PLCE1: variants seen among roughly 807,000 people sequenced by gnomAD.
The protein encoded by PLCE1 is 1-phosphatidylinositol 4,5-bisphosphate phosphodiesterase epsilon-1.
Under a neutral mutation model 242.8 loss-of-function variants are expected in PLCE1, and 119 were observed. The ratio of observed to expected loss-of-function variants is 0.49; its 90% confidence interval spans 0.42 to 0.57. The LOEUF (loss-of-function observed/expected upper bound fraction) is 0.57, where lower values mean the gene tolerates loss of function less well. PLCE1 is among the 20% of genes least tolerant of loss of function. The pLI, the probability that PLCE1 is intolerant of heterozygous loss-of-function variation, is 0.00. For missense variants in PLCE1, 2,441 were observed against 2,788.8 expected, an observed-to-expected ratio of 0.88 and a Z score of 2.81; for synonymous variants, 945 against 1,017.4, an observed-to-expected ratio of 0.93 and a Z score of 1.35.
intron 8 of PLCE1, among the ~76,000 whole-genome samples, chr10:94,250,004 C>G (rs2050818117): frequency 6.6e-6 from 1 of 151,822 alleles, no homozygotes; most frequent in African/African-American, 2.4e-5. Context: ...ATGTCACATG[C>G]AAAGATATGC....
Position 94,313,241 on chromosome 10 carries a change from ATCT to A in PLCE1, c.6004-8_6004-6del. The A allele has an allele frequency of 1.9e-6, 3 of 1,613,880 alleles. No homozygotes were observed. Among genetic ancestry groups the A allele is most frequent in the Middle Eastern group, 1.7e-4 (1 of 5,966 alleles). On this transcript the variant is annotated splice_polypyrimidine_tract_variant and intron_variant, in intron 27 of 32. Transcript: ENST00000371380. Reference sequence around the variant, plus strand: ...TTACGGATGAATGATCAGCCATGTGATCTTCTTGACAGATGTTTAATACAGAAG... The same window carrying A: ...TTACGGATGAATGATCAGCCATGTGATCTTGACAGATGTTTAATACAGAAG...
intron 4 of PLCE1, among the ~76,000 whole-genome samples, chr10:94,220,144 GA>G (rs2049673233): frequency 6.6e-6 from 1 of 151,294 alleles, no homozygotes; most frequent in Non-Finnish European, 1.5e-5. Flanking sequence ...AGGAGCTTAT[GA>G]TTAGAAGAAC....
chr10:94,150,380 C>G (rs2047236987), intron 3 of PLCE1, among the ~76,000 whole-genome samples: 1 of 152,164 alleles, frequency 6.6e-6, no homozygotes. Flanking sequence ...TGTTCTGAAC[C>G]CCAAACTTTC....
chr10:94,291,159 T>A (rs2052631944), intron 22 of PLCE1, among the ~76,000 whole-genome samples: 1 of 152,152 alleles, frequency 6.6e-6, no homozygotes, highest in Non-Finnish European at 1.5e-5. Flanking sequence ...TTTAAGTAAT[T>A]CTTTTTCTTT....
At chr10:94,260,635 TTATC>T (rs2051263212) in intron 13 of PLCE1, among the ~76,000 whole-genome samples, 1 of 151,620 alleles carries the variant, frequency 6.6e-6, no homozygotes, top group Non-Finnish European at 1.5e-5. Context: ...ATTTTATTAT[TTATC>T]ATGATTTTCA....
chr10:94,140,303 C>T lies in PLCE1; in HGVS notation c.1492+7844C>T, dbSNP rs920068690. Among the ~76,000 whole-genome samples, 12 of 151,438 alleles carry T rather than the reference C, an allele frequency of 7.9e-5. No homozygotes were observed. The East Asian group carries it at 1.7e-3, about 22-fold the overall frequency. On this transcript the variant is annotated intron_variant, in intron 3 of 32. Transcript: ENST00000371380. Reference sequence around the variant, plus strand: ...CTACCAGCACTTTGAGAGGTCGAGGCGAGCACATCACTTGAGGTCAGAAGT... The same window carrying T: ...CTACCAGCACTTTGAGAGGTCGAGGTGAGCACATCACTTGAGGTCAGAAGT...
intron 2 of PLCE1, chr10:94,088,275 A>G (rs1201558940): frequency 6.6e-6 from 1 of 152,326 alleles, no homozygotes; most frequent in South Asian, 2.1e-4. Context: ...CAGGATAAAC[A>G]CTTCTTAAAA....
chr10:94,027,782 C>T (rs2061479670), intron 1 of PLCE1, among the ~76,000 whole-genome samples: 1 of 151,980 alleles, frequency 6.6e-6, no homozygotes, highest in Non-Finnish European at 1.5e-5. Flanking sequence ...GATCATGCCA[C>T]TGCACTCCAG....
At chr10:94,265,294 A>G (rs986398968) in intron 14 of PLCE1, among the ~76,000 whole-genome samples, 4 of 152,242 alleles carry the variant, frequency 2.6e-5, no homozygotes, top group African/African-American at 9.6e-5. Flanking sequence ...TAAGTGCTCT[A>G]TGTGAATCAT....
At chr10:94,030,365 C>CT (rs141323332) in intron 1 of PLCE1, among the ~76,000 whole-genome samples, 21 of 149,164 alleles carry the variant, frequency 1.4e-4, no homozygotes, top group Middle Eastern at 3.5e-3. Flanking sequence ...GGGCTCACTT[C>CT]TTTTTTTTTT....
chr10:94,074,463 C>A (rs2044447505), intron 2 of PLCE1, among the ~76,000 whole-genome samples: 1 of 152,124 alleles, frequency 6.6e-6, no homozygotes, highest in African/African-American at 2.4e-5. Context: ...AGTGGTTGGA[C>A]CATAGGTGTG....
In PLCE1 at chr10:94,154,936, T is replaced by TG. The variant is rs1421158953; in HGVS notation, c.1493-16244_1493-16243insG. On this transcript the variant is annotated intron_variant, in intron 3 of 32. Coordinates refer to ENST00000371380, the MANE Select transcript of PLCE1 (RefSeq NM_016341.4). Reference sequence around the variant, plus strand: ...TTTATTTAAAACTATAAGGTACCACTTCACCCACTAGGATAGATAATTGGG... The same window carrying TG: ...TTTATTTAAAACTATAAGGTACCACTGTCACCCACTAGGATAGATAATTGGG... 3.8e-5 allele frequency among the ~76,000 whole-genome samples: 5 copies of TG among 132,148 alleles called. No homozygotes were observed. The East Asian group carries it at 1.1e-3, about 29-fold the overall frequency. The allele number at this position is 132,148 out of a possible 152,430, so 86.7% of individuals were successfully genotyped here.
chr10:94,210,966 C>T (rs2049312386), intron 4 of PLCE1, among the ~76,000 whole-genome samples: 1 of 152,224 alleles, frequency 6.6e-6, no homozygotes, highest in African/African-American at 2.4e-5. Context: ...CTGGTGGTAC[C>T]TTCTGGCTGA....
intron 1 of PLCE1, among the ~76,000 whole-genome samples, chr10:93,996,422 C>T (rs184649327): frequency 1.1e-4 from 16 of 152,266 alleles, no homozygotes; most frequent in African/African-American, 3.4e-4. Flanking sequence ...GATTAGGAAA[C>T]ATGGTGCTTC....
Position 94,219,902 on chromosome 10 carries a change from G to A in PLCE1, c.1810-7404G>A, listed in dbSNP as rs538835156. ...GTTTGGGGGTAAGGGGAGATAATCT[G>A]AGCTGTGTTTGAGGCTCTGAAAAAG... On this transcript the variant is annotated intron_variant, in intron 4 of 32. Transcript: ENST00000371380. Among the ~76,000 whole-genome samples the A allele has an allele frequency of 2.0e-5, 3 of 152,180 alleles. No individual in the cohort carries two copies. The East Asian group carries it at 5.8e-4, about 30-fold the overall frequency.
At chr10:94,300,983 T>G (rs1274430119) in intron 24 of PLCE1, among the ~76,000 whole-genome samples, 1 of 152,196 alleles carries the variant, frequency 6.6e-6, no homozygotes, top group Admixed American at 6.5e-5. Flanking sequence ...AAGCAGAGGT[T>G]GCAGTGTATC....
chr10:94,262,861 G>GT (rs11307441), intron 14 of PLCE1, 129 bp downstream of exon 14: 40,642 of 608,862 alleles, frequency 0.067, 50 homozygotes, highest in East Asian at 0.076. Context: ...ATACAGTTTT[G>GT]TTTTTTTTTT....
rs145456568 is a variant in PLCE1, at chr10:94,265,886, C to T, written c.4209C>T (p.Ile1403=). ...AGCTACCCCTCTCATACTATTACATCGAATCTTCGCACAATACCTACCTCA... is the reference window on the plus strand; with the variant it reads ...AGCTACCCCTCTCATACTATTACATTGAATCTTCGCACAATACCTACCTCA... The part of the protein sequence containing the change: ...ELQLPLSYYY[I]ESSHNTYLTG... Residue 1403 remains isoleucine (I), a synonymous_variant, in exon 16 of 33, where the codon ATC becomes ATT. Coordinates refer to ENST00000371380, the MANE Select transcript of PLCE1 (RefSeq NM_016341.4). The T allele has an allele frequency of 5.6e-6, 9 of 1,613,980 alleles. No individual in the cohort carries two copies. The highest frequency in any genetic ancestry group is 5.3e-5 in the African/African-American group (4 of 75,010).
At chr10:94,187,494 A>G (rs2048519741) in intron 4 of PLCE1, among the ~76,000 whole-genome samples, 1 of 152,148 alleles carries the variant, frequency 6.6e-6, no homozygotes, top group Non-Finnish European at 1.5e-5. Context: ...TGAGTATTTC[A>G]TAAAAATACT....
Sources: gnomAD v4.1 joint callset for allele counts (sites outside exome capture counted in the v4.1 genomes callset) on GRCh38, gnomAD v4.1.1 for gene constraint, MANE v1.5 for transcripts, NCBI Gene and HGNC (gene_info 2026-07-23, HGNC 2026-07-21) for gene names.